The following PLCE1 variants were observed in gnomAD, a reference collection of about 807,000 sequenced individuals.
PLCE1 encodes phospholipase C epsilon 1, also known as 1-phosphatidylinositol 4,5-bisphosphate phosphodiesterase epsilon-1.
In PLCE1, 119 loss-of-function variants were observed where a neutral mutation model predicts 242.8. That is an observed-to-expected ratio of 0.49 (90% CI 0.42 to 0.57). The LOEUF (loss-of-function observed/expected upper bound fraction) is 0.57. Among genes scored for constraint, PLCE1 ranks in the 20% least tolerant of loss-of-function variants. The pLI is 0.00. For synonymous variants in PLCE1, 945 were observed against 1,017.4 expected (o/e 0.93, Z 1.35); for missense variants, 2,441 against 2,788.8 (o/e 0.88, Z 2.81).
At chr10:94,141,628 A>AG (rs113459499) in intron 3 of PLCE1, among the ~76,000 whole-genome samples, 96,314 of 100,240 alleles carry the variant, frequency 0.96, 46,260 homozygotes, top group South Asian at 0.99. Flanking sequence ...GGAAGGCAGA[A>AG]GGAGGAAAGA....
At chr10:94,235,001 G>A (rs1046341777) in intron 6 of PLCE1, among the ~76,000 whole-genome samples, 5 of 151,476 alleles carry the variant, frequency 3.3e-5, no homozygotes, top group Non-Finnish European at 5.9e-5. Flanking sequence ...GTCCCTTACC[G>A]GGGACCAAAC....
At chr10:94,002,084 G>A (rs948799756) in intron 1 of PLCE1, among the ~76,000 whole-genome samples, 2 of 151,778 alleles carry the variant, frequency 1.3e-5, no homozygotes, top group African/African-American at 2.4e-5. Flanking sequence ...ACAGTGGTAG[G>A]GATTGGTAAA....
chr10:94,099,257 C>T (rs984976605), intron 2 of PLCE1, among the ~76,000 whole-genome samples: 1 of 152,218 alleles, frequency 6.6e-6, no homozygotes, highest in Admixed American at 6.5e-5. Context: ...AAGCAGGCAT[C>T]ATGGGCCCTG....
intron 4 of PLCE1, among the ~76,000 whole-genome samples, chr10:94,183,676 A>C (rs2048380414): frequency 6.6e-6 from 1 of 152,166 alleles, no homozygotes; most frequent in Non-Finnish European, 1.5e-5. Flanking sequence ...TGAAGAAAAG[A>C]GGTTTAATTG....
rs371574095 is a variant in PLCE1, at chr10:94,255,056, C to T, written c.3554+7C>T. On this transcript the variant is annotated splice_region_variant and intron_variant, in intron 11 of 32. Coordinates refer to ENST00000371380, the MANE Select transcript of PLCE1 (RefSeq NM_016341.4). ...CAAACAAGAGCCCATCCAGGTGGGG[C>T]CTTAACATGATAAAACAGAAGGACC... The T allele has an allele frequency of 6.2e-7, 1 of 1,613,806 alleles. No individual in the cohort carries two copies. The highest frequency in any genetic ancestry group is 8.5e-7 in the Non-Finnish European group (1 of 1,179,822).
At chr10:94,173,760 C>T (rs115490598) in intron 4 of PLCE1, among the ~76,000 whole-genome samples, 4 of 152,094 alleles carry the variant, frequency 2.6e-5, no homozygotes, top group East Asian at 1.9e-4. Context: ...AACTTCAGAA[C>T]GTAAACAAGA....
At chr10:94,179,521 T>TGTTTTTG (rs67919831) in intron 4 of PLCE1, among the ~76,000 whole-genome samples, 22 of 84,718 alleles carry the variant, frequency 2.6e-4, no homozygotes, top group African/African-American at 1.3e-3. Context: ...AGTTTTTTTT[T>TGTTTTTG]TTTTTTTTTG....
intron 11 of PLCE1, among the ~76,000 whole-genome samples, chr10:94,257,165 A>G (rs1179940265): frequency 1.3e-5 from 2 of 152,138 alleles, no homozygotes; most frequent in African/African-American, 4.8e-5. Flanking sequence ...ATGTCAGCAC[A>G]AATTAATTTT....
rs1435534506 is a variant in PLCE1, at chr10:94,322,063, A to C, written c.6501+4A>C. On this transcript the variant is annotated splice_donor_region_variant and intron_variant, in intron 30 of 32. Transcript: ENST00000371380. ...TGCACAGGATGTCATTCAGCAGGTA[A>C]AAGCCTCTCCCTTCCTCACCTGAGT... 1 of 1,613,780 alleles carries C rather than the reference A, an allele frequency of 6.2e-7. No homozygotes were observed. Among genetic ancestry groups the C allele is most frequent in the Non-Finnish European group, 8.5e-7 (1 of 1,179,812 alleles).
intron 2 of PLCE1, among the ~76,000 whole-genome samples, chr10:94,050,626 C>G (rs1000583554): frequency 2.0e-5 from 3 of 151,992 alleles, no homozygotes; most frequent in Non-Finnish European, 4.4e-5. Flanking sequence ...TCTTCTCTGT[C>G]AGGGCATCTA....
chr10:94,315,897 G>A (rs554292328), intron 28 of PLCE1, among the ~76,000 whole-genome samples: 1 of 151,736 alleles, frequency 6.6e-6, no homozygotes, highest in Non-Finnish European at 1.5e-5. Flanking sequence ...CCATTGTGTA[G>A]ATCGGAAAAC....
At chr10:94,237,948 C>G (rs895848858) in intron 7 of PLCE1, among the ~76,000 whole-genome samples, 8 of 152,192 alleles carry the variant, frequency 5.3e-5, no homozygotes, top group African/African-American at 1.9e-4. Flanking sequence ...CCCCTGTTCA[C>G]TTGGCAACAA....
At chr10:94,196,425 A>G (rs1381877486) in intron 4 of PLCE1, among the ~76,000 whole-genome samples, 3 of 152,084 alleles carry the variant, frequency 2.0e-5, no homozygotes, top group Non-Finnish European at 4.4e-5. Context: ...GCCCCAGGAG[A>G]AGCTCCGAGG....
intron 4 of PLCE1, among the ~76,000 whole-genome samples, chr10:94,182,196 A>G (rs1336552568): frequency 6.6e-6 from 1 of 151,712 alleles, no homozygotes; most frequent in African/African-American, 2.4e-5. Flanking sequence ...CCATTAGTGC[A>G]GATACTTGAG....
intron 3 of PLCE1, among the ~76,000 whole-genome samples, chr10:94,153,046 A>G (rs560177829): frequency 6.6e-6 from 1 of 152,288 alleles, no homozygotes; most frequent in South Asian, 2.1e-4. Context: ...TTTCTTTAAA[A>G]CAAACATAAT....
chr10:94,029,563 T>C (rs185471620), intron 1 of PLCE1, among the ~76,000 whole-genome samples: 217 of 152,248 alleles, frequency 1.4e-3, no homozygotes, highest in Non-Finnish European at 2.1e-3. Flanking sequence ...TGCTGCTCTG[T>C]GTGGGCTGGT....
At chr10:94,162,499 A>G (rs1326306801) in intron 3 of PLCE1, among the ~76,000 whole-genome samples, 1 of 152,040 alleles carries the variant, frequency 6.6e-6, no homozygotes, top group African/African-American at 2.4e-5. Flanking sequence ...GATCGGTGTG[A>G]TATCCCCTTT....
At position 94,109,708 on chromosome 10, in the gene PLCE1, A is replaced by T. The variant is rs187597446; in HGVS notation, c.1207-22466A>T. 2.0e-5 allele frequency among the ~76,000 whole-genome samples: 3 copies of T among 152,356 alleles called. 1 individual carries two copies. The highest frequency in any genetic ancestry group is 2.0e-4 in the Admixed American group (3 of 15,298). On this transcript the variant is annotated intron_variant, in intron 2 of 32. Coordinates refer to ENST00000371380, the MANE Select transcript of PLCE1 (RefSeq NM_016341.4). ...TAGGCTTATAAGAAAGGTATTCTAC[A>T]TAAAATATTTTGCCTCTGCAACCAG...
Position 94,089,143 on chromosome 10 carries a change from G to A in PLCE1, c.1207-43031G>A, listed in dbSNP as rs771771416. On this transcript the variant is annotated intron_variant, in intron 2 of 32. Coordinates refer to ENST00000371380, the MANE Select transcript of PLCE1 (RefSeq NM_016341.4). ...AGGAAGAGACTTTGCAGGAATGGAA[G>A]AGGTGAGGCAGCTCCACGTGAGATT... is the stretch of plus-strand genomic sequence containing the variant. 2 of 1,614,012 alleles carry A rather than the reference G, an allele frequency of 1.2e-6. No individual in the cohort carries two copies. Among genetic ancestry groups the A allele is most frequent in the East Asian group, 4.5e-5 (2 of 44,882 alleles).
Sources: allele counts gnomAD v4.1 joint callset (sites outside exome capture counted in the v4.1 genomes callset), GRCh38; gene constraint gnomAD v4.1.1; transcripts MANE v1.5; gene names NCBI Gene and HGNC (gene_info 2026-07-23, HGNC 2026-07-21).